SYN3: variants seen among roughly 807,000 people sequenced by gnomAD.
SYN3 encodes synapsin III, also known as synapsin-3.
Under a neutral mutation model 65.8 loss-of-function variants are expected in SYN3, and 35 were observed. That is an observed-to-expected ratio of 0.53 (90% CI 0.41 to 0.70). The LOEUF (loss-of-function observed/expected upper bound fraction) is 0.70, where lower values mean the gene tolerates loss of function less well. SYN3 is among the 30% of genes least tolerant of loss of function. SYN3 has a pLI of 0.00. For synonymous variants in SYN3, 270 were observed against 292.9 expected, an observed-to-expected ratio of 0.92 and a Z score of 0.80; for missense variants, 680 against 749.0, an observed-to-expected ratio of 0.91 and a Z score of 1.08.
chr22:32,987,216 G>A (rs2052554452), intron 2 of SYN3, among the ~76,000 whole-genome samples: 1 of 152,054 alleles, frequency 6.6e-6, no homozygotes, highest in South Asian at 2.1e-4. Flanking sequence ...AATAGAGAAA[G>A]AGATTTTCAT....
At chr22:32,727,451 T>C (rs560000280) in intron 6 of SYN3, among the ~76,000 whole-genome samples, 2 of 152,368 alleles carry the variant, frequency 1.3e-5, no homozygotes, top group East Asian at 1.9e-4. Context: ...CTACTGTGAA[T>C]AGTGCTGCAT....
intron 6 of SYN3, among the ~76,000 whole-genome samples, chr22:32,826,880 A>G (rs2146100255): frequency 6.6e-6 from 1 of 152,260 alleles, no homozygotes; most frequent in South Asian, 2.1e-4. Flanking sequence ...CAACCCTAGG[A>G]GCCTGCTGCC....
At position 33,028,676 on chromosome 22, in the gene SYN3, G is replaced by GTGGTGGTGGTGGTGA. The variant is rs1374511261; in HGVS notation, c.-162-21867_-162-21853dup. Among the ~76,000 whole-genome samples, 4 of 100,876 alleles carry GTGGTGGTGGTGGTGA rather than the reference G, an allele frequency of 4.0e-5. No homozygotes were observed. The South Asian group carries it at 7.6e-4, about 19-fold the overall frequency. 66.2% of individuals were successfully genotyped at this position (100,876 alleles called of 152,430 possible). A position where few individuals can be genotyped will look rare whatever the true frequency, so the allele number is the denominator to read the frequency against. Reference sequence around the variant, plus strand: ...GGTGGTGGTGGTGGTGGTGGTGGTGGTGGTGGTGGTGGTGATGGTGGTGGT... The same window carrying GTGGTGGTGGTGGTGA: ...GGTGGTGGTGGTGGTGGTGGTGGTGGTGGTGGTGGTGGTGATGGTGGTGGTGGTGATGGTGGTGGT... On this transcript the variant is annotated intron_variant, in intron 1 of 13. Transcript: ENST00000358763.
intron 6 of SYN3, among the ~76,000 whole-genome samples, chr22:32,688,814 G>T (rs972231120): frequency 6.6e-6 from 1 of 152,090 alleles, no homozygotes; most frequent in Non-Finnish European, 1.5e-5. Flanking sequence ...TTTCGGTGCT[G>T]GTGGTTGTCC....
chr22:32,953,575 C>T (rs1442283665), intron 3 of SYN3, among the ~76,000 whole-genome samples: 1 of 151,858 alleles, frequency 6.6e-6, no homozygotes, highest in Admixed American at 6.6e-5. Context: ...GGTGCAAAGA[C>T]CCTGAGGCTG....
In SYN3 at chr22:32,822,677, TC is replaced by T. The variant is rs2047284531; in HGVS notation, c.711+42237del. On this transcript the variant is annotated intron_variant, in intron 6 of 13. Transcript: ENST00000358763. ...CGTTCATACAGTGAAGATCTGCACT[TC>T]CTCTTCTGCTAACCGCTAAGGTGTC... 3.9e-5 allele frequency among the ~76,000 whole-genome samples: 6 copies of T among 152,212 alleles called. No homozygotes were observed. In the South Asian group the frequency reaches 1.2e-3, roughly 32 times the overall value.
intron 2 of SYN3, among the ~76,000 whole-genome samples, chr22:32,995,028 G>A (rs1228827148): frequency 1.3e-5 from 2 of 152,078 alleles, no homozygotes; most frequent in Non-Finnish European, 2.9e-5. Flanking sequence ...TTTGCCCAAG[G>A]TCACATAACT....
At chr22:32,551,661 GAT>G (rs761662269) in intron 7 of SYN3, among the ~76,000 whole-genome samples, 3 of 152,064 alleles carry the variant, frequency 2.0e-5, no homozygotes, top group Non-Finnish European at 4.4e-5. Flanking sequence ...GAACACTGAT[GAT>G]ATACTAGATG....
intron 6 of SYN3, among the ~76,000 whole-genome samples, chr22:32,730,903 C>T (rs1447134525): frequency 1.3e-5 from 2 of 152,186 alleles, no homozygotes; most frequent in Non-Finnish European, 2.9e-5. Context: ...TGCCACCTCA[C>T]CTGCAACATT....
At chr22:32,968,116 T>A (rs2051902236) in intron 3 of SYN3, among the ~76,000 whole-genome samples, 1 of 152,208 alleles carries the variant, frequency 6.6e-6, no homozygotes, top group South Asian at 2.1e-4. Context: ...AAATGCCAGC[T>A]GAAACACATC....
chr22:32,869,689 GGTTTTTTT>G (rs1390818496), intron 4 of SYN3, among the ~76,000 whole-genome samples: 1 of 118,448 alleles, frequency 8.4e-6, no homozygotes, highest in Non-Finnish European at 1.7e-5. Context: ...AACACATCTT[GGTTTTTTT>G]TTTTTTTTTT....
At chr22:32,892,069 C>T (rs889743779) in intron 4 of SYN3, among the ~76,000 whole-genome samples, 9 of 151,980 alleles carry the variant, frequency 5.9e-5, no homozygotes, top group East Asian at 3.9e-4. Flanking sequence ...CCGAGGCGGG[C>T]GGATCATGAG....
intron 5 of SYN3, among the ~76,000 whole-genome samples, chr22:32,865,367 C>T (rs961095146): frequency 1.3e-5 from 2 of 152,152 alleles, no homozygotes; most frequent in South Asian, 2.1e-4. Flanking sequence ...AGAGAGGCAG[C>T]GCTGCATGGT....
intron 6 of SYN3, among the ~76,000 whole-genome samples, chr22:32,858,764 A>G (rs1284731426): frequency 1.3e-5 from 2 of 152,314 alleles, no homozygotes; most frequent in East Asian, 3.9e-4. Context: ...TAGGTCCCAC[A>G]GTTCACTGAA....
At chr22:32,525,025 T>A (rs553627655) in intron 12 of SYN3, among the ~76,000 whole-genome samples, 24 of 151,900 alleles carry the variant, frequency 1.6e-4, no homozygotes, top group South Asian at 2.1e-4. Flanking sequence ...AAAAAAAAAA[T>A]TTTTTTCATA....
chr22:32,521,245 CCT>C lies in SYN3; in HGVS notation c.1319-2913_1319-2912del, dbSNP rs552148893. On this transcript the variant is annotated intron_variant, in intron 12 of 13. Coordinates refer to ENST00000358763, the MANE Select transcript of SYN3 (RefSeq NM_003490.4). ...AAGCATAAAGAACATAGCAATTGCC[CCT>C]CTCTGTCACTATGGAAGTGAGGAGT... Among the ~76,000 whole-genome samples the C allele has an allele frequency of 1.5e-3, 235 of 152,224 alleles. 1 individual carries two copies. Among genetic ancestry groups the C allele is most frequent in the African/African-American group, 5.2e-3 (218 of 41,552 alleles).
At chr22:32,982,264 C>A (rs917386027) in intron 2 of SYN3, among the ~76,000 whole-genome samples, 2 of 152,160 alleles carry the variant, frequency 1.3e-5, no homozygotes, top group Non-Finnish European at 2.9e-5. Flanking sequence ...TCTATCCAGT[C>A]TCACCCATTT....
chr22:32,807,612 C>T (rs1400446909), intron 6 of SYN3, among the ~76,000 whole-genome samples: 2 of 149,642 alleles, frequency 1.3e-5, no homozygotes, highest in African/African-American at 4.9e-5. Flanking sequence ...GCTGAGGAAA[C>T]TGAGGCTTAG....
At chr22:32,726,365 T>A (rs1020138382) in intron 6 of SYN3, among the ~76,000 whole-genome samples, 7 of 152,156 alleles carry the variant, frequency 4.6e-5, no homozygotes, top group Admixed American at 1.3e-4. Flanking sequence ...ATGTTCTTGA[T>A]CTCCTGACAT....
Sources: gnomAD v4.1 joint callset for allele counts (sites outside exome capture counted in the v4.1 genomes callset) on GRCh38, gnomAD v4.1.1 for gene constraint, MANE v1.5 for transcripts, NCBI Gene and HGNC (gene_info 2026-07-23, HGNC 2026-07-21) for gene names.